Variants in GMDS observed in about 807,000 individuals in gnomAD.
The protein encoded by GMDS is GDP-mannose 4,6-dehydratase, also known as GDP-mannose 4,6 dehydratase.
In GMDS, 20 loss-of-function variants were observed where a neutral mutation model predicts 49.9. The ratio of observed to expected loss-of-function variants is 0.40; its 90% CI spans 0.28 to 0.58. The LOEUF is 0.58. Ranked by LOEUF, GMDS falls within the 20% of genes least tolerant of loss-of-function variation. The probability of loss-of-function intolerance (pLI) is 0.42; values close to 1 mark genes in which losing one functional copy is unlikely to be tolerated. For missense variants in GMDS, 362 were observed against 481.4 expected (o/e 0.75, Z 2.32); for synonymous variants, 177 against 178.6 (o/e 0.99, Z 0.07).
chr6:1,861,373 G>A (rs368935423), intron 7 of GMDS, among the ~76,000 whole-genome samples: 4 of 152,298 alleles, frequency 2.6e-5, no homozygotes, highest in East Asian at 3.9e-4. Context: ...GAATCACACC[G>A]TCTAGAGGAC....
intron 1 of GMDS, chr6:2,175,983 C>T: frequency 6.5e-7 from 1 of 1,534,350 alleles, no homozygotes; most frequent in Middle Eastern, 1.7e-4. Flanking sequence ...AACAAACTGC[C>T]TGTGTACAAA....
chr6:1,807,455 C>T (rs1770227562), intron 7 of GMDS, among the ~76,000 whole-genome samples: 1 of 152,160 alleles, frequency 6.6e-6, no homozygotes, highest in Non-Finnish European at 1.5e-5. Flanking sequence ...ACAATCCTGT[C>T]CCTGTTTCAA....
chr6:2,187,687 T>C (rs574220300), intron 1 of GMDS, among the ~76,000 whole-genome samples: 4 of 152,312 alleles, frequency 2.6e-5, no homozygotes, highest in Admixed American at 6.5e-5. Flanking sequence ...AGTAGAACAG[T>C]AAAGACTTAA....
At chr6:2,014,021 A>T (rs1252213302) in intron 4 of GMDS, among the ~76,000 whole-genome samples, 2 of 149,808 alleles carry the variant, frequency 1.3e-5, no homozygotes, top group Non-Finnish European at 3.0e-5. Flanking sequence ...CTTGTCAAAA[A>T]ACAAGCAAGC....
intron 4 of GMDS, among the ~76,000 whole-genome samples, chr6:2,109,467 C>A (rs1774424424): frequency 6.6e-6 from 1 of 152,218 alleles, no homozygotes; most frequent in Non-Finnish European, 1.5e-5. Context: ...TAAGGAAACA[C>A]AGCCTAAGGC....
intron 1 of GMDS, among the ~76,000 whole-genome samples, chr6:2,206,396 A>G (rs1779809414): frequency 6.6e-6 from 1 of 152,050 alleles, no homozygotes; most frequent in African/African-American, 2.4e-5. Flanking sequence ...TGCCTCTGGG[A>G]GGCTCTAGGA....
chr6:1,920,429 C>T (rs1257420465), intron 7 of GMDS, among the ~76,000 whole-genome samples: 1 of 152,254 alleles, frequency 6.6e-6, no homozygotes, highest in Non-Finnish European at 1.5e-5. Context: ...AGAGATTTGA[C>T]TTCTAGCTTG....
At chr6:1,703,517 G>A (rs1474678958) in intron 9 of GMDS, among the ~76,000 whole-genome samples, 1 of 151,744 alleles carries the variant, frequency 6.6e-6, no homozygotes. Context: ...CTTTTTCTGT[G>A]CTGGGTGGAA....
rs1272896273 is a variant in GMDS, at chr6:1,959,930, G to A, written c.580C>T (p.Arg194Cys). The A allele has an allele frequency of 6.8e-6, 11 of 1,610,530 alleles. No homozygotes were observed. Among genetic ancestry groups the A allele is most frequent in the Admixed American group, 1.7e-5 (1 of 58,888 alleles). The change falls in exon 6 of 11, where the codon CGT becomes TGT. Residue 194 changes from arginine (R) to cysteine (C), a missense_variant. Transcript: ENST00000380815. ...LYAYWIVVNF[R>C]EAYNLFAVNG... ...ACTGCAAAGAGATTATACGCCTCAC[G>A]GAAGTTCACCACAATCCAATAGGCA...
intron 7 of GMDS, among the ~76,000 whole-genome samples, chr6:1,771,526 G>A (rs1212525809): frequency 6.6e-6 from 1 of 152,244 alleles, no homozygotes; most frequent in Non-Finnish European, 1.5e-5. Flanking sequence ...ATACAATGGT[G>A]GCTACAATAG....
At chr6:1,757,777 C>T (rs1371511287) in intron 7 of GMDS, among the ~76,000 whole-genome samples, 1 of 152,128 alleles carries the variant, frequency 6.6e-6, no homozygotes, top group Non-Finnish European at 1.5e-5. Flanking sequence ...CAGGATTATT[C>T]TAAAACAGCA....
intron 1 of GMDS, among the ~76,000 whole-genome samples, chr6:2,201,870 A>T (rs1425430155): frequency 8.7e-5 from 11 of 126,510 alleles, no homozygotes; most frequent in Middle Eastern, 4.7e-3. Flanking sequence ...ATCCGAGATG[A>T]AACCATCTAG....
intron 1 of GMDS, among the ~76,000 whole-genome samples, chr6:2,143,873 A>G (rs1370172843): frequency 6.6e-6 from 1 of 152,186 alleles, no homozygotes. Flanking sequence ...TGAACATTCC[A>G]TATCTTGGCT....
chr6:1,652,882 A>G (rs1015559883), intron 9 of GMDS, among the ~76,000 whole-genome samples: 12 of 141,346 alleles, frequency 8.5e-5, no homozygotes, highest in Non-Finnish European at 1.4e-4. Context: ...AGGCTGCCAC[A>G]CTCATGTGTG....
chr6:1,882,397 A>G (rs907698994), intron 7 of GMDS, among the ~76,000 whole-genome samples: 2 of 152,266 alleles, frequency 1.3e-5, no homozygotes, highest in East Asian at 1.9e-4. Flanking sequence ...GTGTGTGTAC[A>G]TAAGTACAAC....
intron 4 of GMDS, among the ~76,000 whole-genome samples, chr6:2,111,593 T>C (rs1774546410): frequency 6.6e-6 from 1 of 152,124 alleles, no homozygotes; most frequent in African/African-American, 2.4e-5. Context: ...TAACTGGAAG[T>C]GAGAGCGGTA....
intron 8 of GMDS, among the ~76,000 whole-genome samples, chr6:1,733,852 TA>T (rs61455182): frequency 0.98 from 142,993 of 146,150 alleles, 69,957 homozygotes; most frequent in East Asian, 1. Context: ...ACTCTTGTCT[TA>T]AAAAAAAAAA....
At chr6:1,676,902 C>A (rs897553113) in intron 9 of GMDS, among the ~76,000 whole-genome samples, 5 of 152,172 alleles carry the variant, frequency 3.3e-5, no homozygotes, top group Non-Finnish European at 7.4e-5. Context: ...ACACCAAAAG[C>A]AATGGCAACA....
At chr6:2,170,481 G>A (rs1777937125) in intron 1 of GMDS, among the ~76,000 whole-genome samples, 2 of 152,010 alleles carry the variant, frequency 1.3e-5, no homozygotes, top group African/African-American at 4.8e-5. Flanking sequence ...ATAAAAATTA[G>A]ATGGGCATAG....
Sources: gnomAD v4.1 joint callset for allele counts (sites outside exome capture counted in the v4.1 genomes callset) on GRCh38, gnomAD v4.1.1 for gene constraint, MANE v1.5 for transcripts, NCBI Gene and HGNC (gene_info 2026-07-23, HGNC 2026-07-21) for gene names.